Variants in ASTN2 observed in about 807,000 individuals in gnomAD.
ASTN2 encodes the protein astrotactin-2.
ASTN2 carries 54 observed loss-of-function variants against 139.8 expected under a neutral mutation model. That is an observed-to-expected ratio of 0.39 (90% CI 0.31 to 0.48). The LOEUF (loss-of-function observed/expected upper bound fraction) is 0.48, where lower values mean the gene tolerates loss of function less well. ASTN2 is among the 20% of genes least tolerant of loss of function. ASTN2 has a pLI of 0.95. For synonymous variants in ASTN2, 756 were observed against 719.5 expected, an observed-to-expected ratio of 1.05 and a Z score of -0.81; for missense variants, 1,565 against 1,725.1, an observed-to-expected ratio of 0.91 and a Z score of 1.64.
intron 11 of ASTN2, among the ~76,000 whole-genome samples, chr9:116,828,531 A>G (rs1831710069): frequency 6.6e-6 from 1 of 152,170 alleles, no homozygotes; most frequent in Non-Finnish European, 1.5e-5. Context: ...TTTGATGATA[A>G]AAAAAATCCT....
chr9:117,405,907 A>T (rs534231793), intron 1 of ASTN2, among the ~76,000 whole-genome samples: 1 of 152,146 alleles, frequency 6.6e-6, no homozygotes, highest in African/African-American at 2.4e-5. Flanking sequence ...AATCACCCCA[A>T]AATAATCAGG....
chr9:116,696,889 T>G (rs1860882187), intron 16 of ASTN2, among the ~76,000 whole-genome samples: 1 of 151,592 alleles, frequency 6.6e-6, no homozygotes, highest in Non-Finnish European at 1.5e-5. Context: ...ATCACAATTT[T>G]CTGCTTCTGT....
At chr9:116,528,721 C>T (rs1009407276) in intron 19 of ASTN2, among the ~76,000 whole-genome samples, 13 of 152,204 alleles carry the variant, frequency 8.5e-5, no homozygotes, top group Admixed American at 2.0e-4. Flanking sequence ...ATGGCTGCTG[C>T]TCTATGCAGC....
intron 19 of ASTN2, among the ~76,000 whole-genome samples, chr9:116,538,329 C>T (rs1371460940): frequency 6.6e-6 from 1 of 150,588 alleles, no homozygotes. Flanking sequence ...AGGGAGGAAG[C>T]AAGGAAAGAA....
intron 3 of ASTN2, among the ~76,000 whole-genome samples, chr9:117,188,888 G>A (rs1419141517): frequency 1.3e-5 from 2 of 152,076 alleles, no homozygotes; most frequent in African/African-American, 4.8e-5. Flanking sequence ...CAGGTCGGTG[G>A]CCTCTCTAAC....
At chr9:116,857,989 G>A (rs916142500) in intron 11 of ASTN2, among the ~76,000 whole-genome samples, 1 of 152,156 alleles carries the variant, frequency 6.6e-6, no homozygotes, top group Non-Finnish European at 1.5e-5. Context: ...GTTCCATGAT[G>A]TGAGAAGCCC....
At chr9:116,923,354 A>G (rs1049152462) in intron 10 of ASTN2, among the ~76,000 whole-genome samples, 2 of 152,132 alleles carry the variant, frequency 1.3e-5, no homozygotes, top group East Asian at 1.9e-4. Flanking sequence ...TGGGTTGATC[A>G]TGGTACCAGA....
chr9:116,657,860 G>C (rs1430999174), intron 16 of ASTN2, among the ~76,000 whole-genome samples: 1 of 144,020 alleles, frequency 6.9e-6, no homozygotes, highest in Non-Finnish European at 1.5e-5. Context: ...GAATATAAAA[G>C]AAAAAAGAGA....
intron 2 of ASTN2, among the ~76,000 whole-genome samples, chr9:117,259,940 A>C (rs763535734): frequency 5.3e-5 from 8 of 152,236 alleles, no homozygotes; most frequent in Non-Finnish European, 7.3e-5. Context: ...CTTTAACAGA[A>C]TAAGGTACAG....
At chr9:117,146,475 GAAAAA>G (rs61356397) in intron 3 of ASTN2, among the ~76,000 whole-genome samples, 1 of 120,674 alleles carries the variant, frequency 8.3e-6, no homozygotes, top group Non-Finnish European at 1.7e-5. Flanking sequence ...GAAGAGGAGA[GAAAAA>G]AAAAAAAAAA....
chr9:117,180,627 CTTTTTT>C (rs372662181), intron 3 of ASTN2: 16 of 939,744 alleles, frequency 1.7e-5, no homozygotes, highest in East Asian at 2.7e-5. Context: ...TCTGGAGTAT[CTTTTTT>C]TTTTTTTTTT....
At chr9:117,351,973 A>G (rs1026564301) in intron 1 of ASTN2, among the ~76,000 whole-genome samples, 23 of 152,330 alleles carry the variant, frequency 1.5e-4, no homozygotes, top group Non-Finnish European at 3.1e-4. Context: ...GGATACAGAT[A>G]AAAATGTCCT....
At chr9:116,650,097 C>T (rs561189000) in intron 17 of ASTN2, among the ~76,000 whole-genome samples, 11 of 152,194 alleles carry the variant, frequency 7.2e-5, no homozygotes, top group Middle Eastern at 3.4e-3. Flanking sequence ...GGGAGGGGCA[C>T]GGGATTCATA....
At chr9:116,647,257 G>A (rs7863462) in intron 17 of ASTN2, among the ~76,000 whole-genome samples, 8,270 of 152,152 alleles carry the variant, frequency 0.054, 280 homozygotes, top group African/African-American at 0.089. Context: ...TGTGAACTCC[G>A]TAAAGATAAA....
chr9:117,380,644 T>A (rs1830246141), intron 1 of ASTN2, among the ~76,000 whole-genome samples: 1 of 151,012 alleles, frequency 6.6e-6, no homozygotes, highest in Non-Finnish European at 1.5e-5. Flanking sequence ...GGGGTGGGGC[T>A]GCTGGGTACA....
intron 11 of ASTN2, among the ~76,000 whole-genome samples, chr9:116,845,669 C>T (rs1387152296): frequency 3.9e-5 from 6 of 152,122 alleles, no homozygotes; most frequent in Non-Finnish European, 5.9e-5. Flanking sequence ...AAATGCAAAT[C>T]GAAACTACCT....
chr9:116,790,929 T>TGAAAGAAA lies in ASTN2; in HGVS notation c.2396+14695_2396+14702dup, dbSNP rs758357999. ...AAAGAAAGAGAAAGAAAGGAAGGAA[T>TGAAAGAAA]GAAAGAAAGAAAGAAAGAAAGAAAG... On this transcript the variant is annotated intron_variant, in intron 13 of 22. Transcript: ENST00000313400. Among the ~76,000 whole-genome samples, 77 of 91,720 alleles carry TGAAAGAAA rather than the reference T, an allele frequency of 8.4e-4. 2 individuals are homozygous for TGAAAGAAA. Among genetic ancestry groups the TGAAAGAAA allele is most frequent in the African/African-American group, 2.2e-3 (53 of 23,664 alleles). The allele number at this position is 91,720 out of a possible 152,430, so 60.2% of individuals were successfully genotyped here.
rs376274136 is a variant in ASTN2 at position 117,256,970 on chromosome 9, GA to G, written c.630+34355del. 6.2e-3 allele frequency among the ~76,000 whole-genome samples: 911 copies of G among 146,392 alleles called. 6 individuals carry two copies. Among genetic ancestry groups the G allele is most frequent in the African/African-American group, 0.021 (822 of 40,082 alleles). ...ATTTGATCCAAAAGATGTTTAGCTG[GA>G]AAAAAAAAAGGAGACAGAAGAAGAC... On this transcript the variant is annotated intron_variant, in intron 2 of 22. Coordinates refer to ENST00000313400, the MANE Select transcript of ASTN2 (RefSeq NM_001365068.1).
chr9:116,558,600 G>A (rs530029034), intron 19 of ASTN2, among the ~76,000 whole-genome samples: 1 of 152,256 alleles, frequency 6.6e-6, no homozygotes, highest in African/African-American at 2.4e-5. Flanking sequence ...GTAGACTCAA[G>A]CAGCCCAGGA....
Sources: gnomAD v4.1 joint callset for allele counts (sites outside exome capture counted in the v4.1 genomes callset) on GRCh38, gnomAD v4.1.1 for gene constraint, MANE v1.5 for transcripts, NCBI Gene and HGNC (gene_info 2026-07-23, HGNC 2026-07-21) for gene names.